ZNF683: variants seen among roughly 807,000 people sequenced by gnomAD.
The protein encoded by ZNF683 is tissue-resident T-cell transcription regulator protein ZNF683.
In ZNF683, 20 loss-of-function variants were observed where a neutral mutation model predicts 31.4. The ratio of observed to expected loss-of-function variants is 0.64; its 90% CI spans 0.45 to 0.93. ZNF683 has a LOEUF of 0.93. ZNF683 is among the 40% of genes least tolerant of loss of function. The pLI, the probability that ZNF683 is intolerant of heterozygous loss-of-function variation, is 0.00. For synonymous variants in ZNF683, 264 were observed against 267.6 expected, an observed-to-expected ratio of 0.99 and a Z score of 0.13; for missense variants, 621 against 637.2, an observed-to-expected ratio of 0.97 and a Z score of 0.27.
At chr1:26,366,129 G>A (rs542010213) in intron 3 of ZNF683, among the ~76,000 whole-genome samples, 2 of 151,848 alleles carry the variant, frequency 1.3e-5, no homozygotes, top group African/African-American at 4.8e-5. Context: ...GCGGTGAGCC[G>A]AGATCATGCC....
Position 26,366,277 on chromosome 1 carries a change from T to C in ZNF683, c.320-1051A>G, listed in dbSNP as rs2074519500. ...ACCCAGGAGGCTGAGGAGAGAGGATTGCTTGAGCCCAGGAGTTGGAGGCTG... is the reference window on the plus strand; with the variant it reads ...ACCCAGGAGGCTGAGGAGAGAGGATCGCTTGAGCCCAGGAGTTGGAGGCTG... On this transcript the variant is annotated intron_variant, in intron 3 of 5. Transcript: ENST00000349618. Among the ~76,000 whole-genome samples the C allele has an allele frequency of 1.3e-5, 2 of 149,584 alleles. 1 individual carries two copies.
chr1:26,372,855 G>A, upstream of ZNF683: 1 of 1,171,810 alleles, frequency 8.5e-7, no homozygotes. Context: ...AGATGATCTG[G>A]GAGACGAGAG....
chr1:26,362,908 T>C, intron 5 of ZNF683, 118 bp downstream of exon 5: 1 of 1,360,792 alleles, frequency 7.3e-7, no homozygotes, highest in South Asian at 1.4e-5. Context: ...CACTCCCCCT[T>C]CCCATCTCCA....
chr1:26,373,140 G>A (rs1437747734), upstream of ZNF683: 2 of 154,682 alleles, frequency 1.3e-5, no homozygotes, highest in African/African-American at 4.8e-5. Flanking sequence ...TGTAATCCCA[G>A]GACTTTGGGA....
In ZNF683 at chr1:26,367,671, C is replaced by G; in HGVS notation, c.241G>C (p.Asp81His). The change falls in exon 3 of 6, where the codon GAC becomes CAC. Residue 81 changes from aspartate (D) to histidine (H), a missense_variant. By Grantham distance (81) the Asp-to-His change is moderately conservative (BLOSUM62 -1). Transcript: ENST00000349618. ...SALLACLQDL[D>H]LNLCTPQPAP... is the part of the protein sequence containing the mutation. Reference sequence around the variant, plus strand: ...GGCTGTGGGGTGCACAGGTTCAGGTCCAGGTCCTGTAGGCAGGCCAGCAGT... The same window carrying G: ...GGCTGTGGGGTGCACAGGTTCAGGTGCAGGTCCTGTAGGCAGGCCAGCAGT... 6.2e-7 allele frequency: 1 copy of G among 1,612,928 alleles called. No homozygotes were observed. Among genetic ancestry groups the G allele is most frequent in the Non-Finnish European group, 8.5e-7 (1 of 1,179,748 alleles).
In ZNF683 at chr1:26,363,089, A is replaced by T; in HGVS notation, c.1080T>A (p.Thr360=). ...GGTGCTTCTGCAGGTGGGCAAGTTG[A>T]GTGAAGCTCTTCTGGCACAAGGCAC... The part of the protein sequence containing the change: ...FQCALCQKSF[T]QLAHLQKHHL... Residue 360 remains threonine (T), a synonymous_variant, in exon 5 of 6, where the codon ACT becomes ACA. Coordinates refer to ENST00000349618, the MANE Select transcript of ZNF683 (RefSeq NM_001114759.3). The T allele has an allele frequency of 6.2e-7, 1 of 1,612,762 alleles. No individual in the cohort carries two copies. The highest frequency in any genetic ancestry group is 8.5e-7 in the Non-Finnish European group (1 of 1,179,416).
chr1:26,372,662 A>T lies in ZNF683; in HGVS notation c.-15+7T>A, dbSNP rs2074696826. 1.5e-6 allele frequency: 2 copies of T among 1,301,328 alleles called. No homozygotes were observed. The highest frequency in any genetic ancestry group is 2.3e-5 in the Admixed American group (1 of 43,438). 80.6% of individuals were successfully genotyped at this position (1,301,328 alleles called of 1,614,324 possible). On this transcript the variant is annotated splice_region_variant and intron_variant, in intron 1 of 5. Transcript: ENST00000349618. ...TACTTCCCCTCTATCCGCACTTCCC[A>T]ACCTACTCTGGTGATCATGGGCTTT...
chr1:26,366,269 G>C (rs1413719445), intron 3 of ZNF683, among the ~76,000 whole-genome samples: 2 of 148,892 alleles, frequency 1.3e-5, no homozygotes, highest in African/African-American at 5.0e-5. Flanking sequence ...AGGCTGAGGA[G>C]AGAGGATTGC....
chr1:26,368,717 C>A, intron 1 of ZNF683, 132 bp from the exon 2 acceptor site: 1 of 1,076,536 alleles, frequency 9.3e-7, no homozygotes, highest in Admixed American at 3.8e-5. Context: ...CTCAGTTTCC[C>A]TATCCGCAAA....
At position 26,361,867 on chromosome 1, in the gene ZNF683, A is replaced by G; in HGVS notation, c.1299T>C (p.Cys433=). ...LHHRLHAPQP[C]GLVHTQLPLA... is the part of the protein sequence containing the mutation. ...GGGGCAGCTGGGTGTGCACCAGGCC[A>G]CAGGGCTGTGGGGCATGCAGCCGAT... is the stretch of plus-strand genomic sequence containing the variant. Residue 433 remains cysteine (C), a synonymous_variant, in exon 6 of 6, where the codon TGT becomes TGC. Coordinates refer to ENST00000349618, the MANE Select transcript of ZNF683 (RefSeq NM_001114759.3). 2 of 1,614,008 alleles carry G rather than the reference A, an allele frequency of 1.2e-6. No homozygotes were observed. Among genetic ancestry groups the G allele is most frequent in the South Asian group, 1.1e-5 (1 of 91,088 alleles).
intron 3 of ZNF683, among the ~76,000 whole-genome samples, chr1:26,366,020 A>C (rs1433320116): frequency 6.6e-6 from 1 of 152,196 alleles, no homozygotes; most frequent in Non-Finnish European, 1.5e-5. Flanking sequence ...GTCTCTACTA[A>C]AAAGGCAAAA....
chr1:26,372,402 C>A, intron 1 of ZNF683: 1 of 1,122,872 alleles, frequency 8.9e-7, no homozygotes, highest in Non-Finnish European at 1.2e-6. Context: ...TTGAGGGAGG[C>A]AAAAGGTACC....
rs778851674 is a variant in ZNF683, at chr1:26,368,537, C to T, written c.35G>A (p.Cys12Tyr). The change falls in exon 2 of 6, where the codon TGT becomes TAT. Residue 12 changes from cysteine (C) to tyrosine (Y), a missense_variant. By Grantham distance (194) the Cys-to-Tyr change is radical. Coordinates refer to ENST00000349618, the MANE Select transcript of ZNF683 (RefSeq NM_001114759.3). ...KEESAAQLGCCHRPMALGGTG... is the reference protein window; with the variant it reads ...KEESAAQLGCYHRPMALGGTG... ...ACCTCCCAGGGCCATGGGCCTATGA[C>T]AACAACCTAATTGTGCAGCTGATTC... 2 of 1,606,942 alleles carry T rather than the reference C, an allele frequency of 1.2e-6. No individual in the cohort carries two copies. Among genetic ancestry groups the T allele is most frequent in the African/African-American group, 1.3e-5 (1 of 74,726 alleles).
At chr1:26,364,019 G>A (rs2074453570) in intron 4 of ZNF683, among the ~76,000 whole-genome samples, 1 of 152,264 alleles carries the variant, frequency 6.6e-6, no homozygotes, top group South Asian at 2.1e-4. Flanking sequence ...GGGCGATGCG[G>A]ATGGTGAGGC....
chr1:26,367,573 G>A lies in ZNF683; in HGVS notation c.319+20C>T, dbSNP rs1225370948. ...CCAGCCTCTGCCAGGCGCAGGTGCA[G>A]CCCGGTGCCCTGGGCTTACTCATGC... On this transcript the variant is annotated intron_variant, in intron 3 of 5. Coordinates refer to ENST00000349618, the MANE Select transcript of ZNF683 (RefSeq NM_001114759.3). 5.1e-6 allele frequency: 8 copies of A among 1,555,354 alleles called. No individual in the cohort carries two copies. The Admixed American group carries it at 7.7e-5, about 15-fold the overall frequency.
chr1:26,374,445 C>A, upstream of ZNF683: 2 of 1,167,262 alleles, frequency 1.7e-6, no homozygotes, highest in Non-Finnish European at 2.2e-6. Context: ...TAGGAAATGC[C>A]CCAGGAGGTG....
At position 26,361,740 on chromosome 1, in the gene ZNF683, C is replaced by A. The variant is rs2074386878; in HGVS notation, c.1426G>T (p.Val476Leu). ...GCTTTCCCCTGGGATGTCGAGGACA[C>A]TTTGACCTCATCTATGTCATAGCCC... ...HMGYDIDEVK[V>L]SSTSQGKARA... is the part of the protein sequence containing the mutation. The change falls in exon 6 of 6, where the codon GTG (valine) becomes TTG (leucine). Residue 476 changes from valine to leucine, a missense_variant. Physicochemically the swap from Val to Leu is conservative, Grantham distance 32 (BLOSUM62 1). Transcript: ENST00000349618. 1.2e-6 allele frequency: 2 copies of A among 1,614,064 alleles called. No individual in the cohort carries two copies. Among genetic ancestry groups the A allele is most frequent in the Non-Finnish European group, 1.7e-6 (2 of 1,179,904 alleles).
intron 5 of ZNF683, 149 bp from the exon 6 acceptor site, chr1:26,362,171 G>A (rs772836942): frequency 2.3e-5 from 37 of 1,593,820 alleles, no homozygotes; most frequent in East Asian, 2.3e-4. Context: ...TGGAACCCAC[G>A]GTATCTAGCA....
rs1570237320 is a variant in ZNF683, at chr1:26,361,927, A to C, written c.1239T>G (p.Ser413Arg). 1 of 1,613,130 alleles carries C rather than the reference A, an allele frequency of 6.2e-7. No homozygotes were observed. Among genetic ancestry groups the C allele is most frequent in the African/African-American group, 1.3e-5 (1 of 74,726 alleles). Residue 413 changes from serine (S) to arginine (R), a missense_variant, in exon 6 of 6, where the codon AGT becomes AGG. Physicochemically the swap from Ser to Arg is moderately radical, Grantham distance 110. Transcript: ENST00000349618. ...TCAGGTGGATGTGCTGGGTGAAGCG[A>C]CTCCGGCAGACACTGCACTGGAAGG... ...ARPFQCSVCR[S>R]RFTQHIHLKL...
Sources: allele counts gnomAD v4.1 joint callset (sites outside exome capture counted in the v4.1 genomes callset), GRCh38; gene constraint gnomAD v4.1.1; transcripts MANE v1.5; gene names NCBI Gene and HGNC (gene_info 2026-07-23, HGNC 2026-07-21).